GPI: variants seen among roughly 807,000 people sequenced by gnomAD.
GPI encodes the protein glucose-6-phosphate isomerase, also known as D-hexose-6-phosphate anomerase.
GPI carries 56 observed loss-of-function variants against 75.8 expected under a neutral mutation model. That is an observed-to-expected ratio of 0.74 (90% CI 0.60 to 0.92). The LOEUF is 0.92. Among genes scored for constraint, GPI ranks in the 40% least tolerant of loss-of-function variants. The pLI is 0.00. For missense variants in GPI, 638 were observed against 741.0 expected (o/e 0.86, Z 1.61); for synonymous variants, 288 against 285.4 (o/e 1.01, Z -0.09).
At chr19:34,381,791 A>G (rs1357785503) in intron 9 of GPI, among the ~76,000 whole-genome samples, 2 of 152,148 alleles carry the variant, frequency 1.3e-5, no homozygotes, top group Non-Finnish European at 2.9e-5. Context: ...GGGTAACCCG[A>G]GTCCCCCTTG....
intron 3 of GPI, 48 bp from the exon 4 acceptor site, chr19:34,368,535 G>C (rs1206579649): frequency 6.2e-7 from 1 of 1,611,514 alleles, no homozygotes; most frequent in Non-Finnish European, 8.5e-7. Flanking sequence ...GAGCATGGCT[G>C]CCTGGGGTTG....
intron 9 of GPI, among the ~76,000 whole-genome samples, chr19:34,389,881 G>C (rs2074796213): frequency 6.6e-6 from 1 of 152,220 alleles, no homozygotes; most frequent in Non-Finnish European, 1.5e-5. Context: ...CGTTGCCTGT[G>C]CTAGAAATGT....
At chr19:34,365,815 G>C (rs1303875846) in intron 1 of GPI, 3 of 472,754 alleles carry the variant, frequency 6.3e-6, no homozygotes, top group South Asian at 3.1e-5. Context: ...AGCCCGGGCG[G>C]GGGTGTTTGA....
chr19:34,365,812 G>GC (rs1322838027), intron 1 of GPI: 4 of 472,604 alleles, frequency 8.5e-6, no homozygotes, highest in Non-Finnish European at 1.7e-5. Context: ...GGCAGCCCGG[G>GC]CGGGGGTGTT....
chr19:34,365,535 A>C (rs1272740333), intron 1 of GPI, 147 bp downstream of exon 1: 1 of 1,303,582 alleles, frequency 7.7e-7, no homozygotes, highest in African/African-American at 1.5e-5. Flanking sequence ...CCGAGTCCGC[A>C]CTTCGTCCTT....
In GPI at chr19:34,379,494, G is replaced by A; in HGVS notation, c.706-24G>A. 3 of 1,612,708 alleles carry A rather than the reference G, an allele frequency of 1.9e-6. No homozygotes were observed. In the South Asian group the frequency reaches 3.3e-5, roughly 18 times the overall value. ...CCTTTGTCTCCCTGGGCTGGCTGTGGTAACTTGGCTCTGTCTCTTGTAGCC... is the reference window on the plus strand; with the variant it reads ...CCTTTGTCTCCCTGGGCTGGCTGTGATAACTTGGCTCTGTCTCTTGTAGCC... On this transcript the variant is annotated intron_variant, in intron 7 of 17. Transcript: ENST00000356487.
chr19:34,395,891 A>C (rs1289016729), intron 12 of GPI, among the ~76,000 whole-genome samples: 1 of 150,672 alleles, frequency 6.6e-6, no homozygotes, highest in East Asian at 1.9e-4. Context: ...ACTTGCAGGA[A>C]GAGGGTTGGG....
intron 9 of GPI, among the ~76,000 whole-genome samples, chr19:34,387,528 G>A (rs1424748102): frequency 6.6e-6 from 1 of 152,072 alleles, no homozygotes; most frequent in Non-Finnish European, 1.5e-5. Flanking sequence ...GTGGATCCAG[G>A]GTCAGTGCTG....
chr19:34,400,143 G>T lies in GPI; in HGVS notation c.*107G>T. On this transcript the variant is annotated 3_prime_UTR_variant, in exon 18 of 18. Transcript: ENST00000356487. ...TGGACACCACCCAGAGCACCCTCTG[G>T]TTGTGGGCTTGGACCACGAGCCCTT... 1 of 1,275,536 alleles carries T rather than the reference G, an allele frequency of 7.8e-7. No individual in the cohort carries two copies. Among genetic ancestry groups the T allele is most frequent in the Non-Finnish European group, 1.1e-6 (1 of 887,052 alleles). The allele number at this position is 1,275,536 out of a possible 1,614,324, so 79.0% of individuals were successfully genotyped here.
At chr19:34,379,400 C>T (rs1231240557) in intron 7 of GPI, 118 bp from the exon 8 acceptor site, 8 of 945,630 alleles carry the variant, frequency 8.5e-6, no homozygotes, top group Non-Finnish European at 1.4e-5. Context: ...CCAACAGTCT[C>T]AGAACCAAGG....
At chr19:34,364,977 C>T (rs2074331678), upstream of GPI, 1 of 1,529,840 alleles carries the variant, frequency 6.5e-7, no homozygotes. Flanking sequence ...ACCCTCCCCA[C>T]TGCCACTTCC....
intron 4 of GPI, among the ~76,000 whole-genome samples, chr19:34,369,102 G>A (rs1175659319): frequency 2.7e-5 from 4 of 150,146 alleles, no homozygotes; most frequent in Non-Finnish European, 1.5e-5. Context: ...AGAGTGGACT[G>A]CAGTCGTGCT....
intron 3 of GPI, chr19:34,367,178 A>G (rs1300807767): frequency 2.3e-6 from 1 of 425,604 alleles, no homozygotes; most frequent in Admixed American, 3.4e-5. Context: ...AGTAGCGACA[A>G]GAAGAATCTT....
chr19:34,364,952 C>A (rs111347660), upstream of GPI: 14 of 1,526,418 alleles, frequency 9.2e-6, no homozygotes, highest in African/African-American at 8.3e-5. Flanking sequence ...CTCCAGTGAT[C>A]CCCGGGCTCT....
At chr19:34,365,028 A>AGAG (rs2074332640), upstream of GPI, 1 of 1,518,160 alleles carries the variant, frequency 6.6e-7, no homozygotes, top group African/African-American at 1.4e-5. Context: ...AGGTAGGGAG[A>AGAG]GAGGAGCTGA....
chr19:34,367,910 C>T (rs2074390428), intron 3 of GPI, among the ~76,000 whole-genome samples: 1 of 152,144 alleles, frequency 6.6e-6, no homozygotes, highest in Admixed American at 6.5e-5. Context: ...CACTCATCTT[C>T]GGAAAGCGTT....
intron 4 of GPI, among the ~76,000 whole-genome samples, chr19:34,375,626 A>C (rs2074523526): frequency 6.6e-6 from 1 of 152,212 alleles, no homozygotes; most frequent in Non-Finnish European, 1.5e-5. Context: ...TGTCCCATAC[A>C]CAGGAAGCGA....
At position 34,366,787 on chromosome 19, in the gene GPI, A is replaced by G; in HGVS notation, c.218A>G (p.Lys73Arg). Residue 73 changes from lysine (K) to arginine (R), a missense_variant, in exon 3 of 18, where the codon AAG (lysine) becomes AGG (arginine). Coordinates refer to ENST00000356487, the MANE Select transcript of GPI (RefSeq NM_000175.5). ...CTCAGTATCGTCTCTTCCTAGGCCA[A>G]GTCCAGGGGCGTGGAGGCCGCCCGG... Reference protein sequence around the residue: ...DVMRMLVDLAKSRGVEAARER... With the variant: ...DVMRMLVDLARSRGVEAARER... 2 of 1,612,324 alleles carry G rather than the reference A, an allele frequency of 1.2e-6. No individual in the cohort carries two copies. The highest frequency in any genetic ancestry group is 1.7e-6 in the Non-Finnish European group (2 of 1,179,148).
chr19:34,384,709 T>C (rs1190470592), intron 9 of GPI, among the ~76,000 whole-genome samples: 4 of 152,148 alleles, frequency 2.6e-5, no homozygotes, highest in Non-Finnish European at 4.4e-5. Context: ...AGCTGGGATC[T>C]GGCACAGTGA....
Sources: gnomAD v4.1 joint callset for allele counts (sites outside exome capture counted in the v4.1 genomes callset) on GRCh38, gnomAD v4.1.1 for gene constraint, MANE v1.5 for transcripts, NCBI Gene and HGNC (gene_info 2026-07-23, HGNC 2026-07-21) for gene names.